Variants in CDH26 observed in about 807,000 individuals in gnomAD.
CDH26 encodes cadherin 26.
A neutral mutation model predicts 90.3 loss-of-function variants in CDH26; 83 were observed. The ratio of observed to expected loss-of-function variants is 0.92; its 90% CI spans 0.77 to 1.10. The LOEUF is 1.10. Among genes scored for constraint, CDH26 ranks in the 50% least tolerant of loss-of-function variants. The probability of loss-of-function intolerance (pLI) is 0.00; values close to 1 mark genes in which losing one functional copy is unlikely to be tolerated. For missense variants in CDH26, 1,013 were observed against 1,037.6 expected (o/e 0.98, Z 0.33); for synonymous variants, 397 against 396.3 (o/e 1.00, Z -0.02).
chr20:59,958,608 T>C lies in CDH26; in HGVS notation c.-119T>C. The C allele has an allele frequency of 1.1e-6, 1 of 921,780 alleles. No homozygotes were observed. Among genetic ancestry groups the C allele is most frequent in the East Asian group, 2.5e-5 (1 of 40,582 alleles). 57.1% of individuals were successfully genotyped at this position (921,780 alleles called of 1,614,324 possible). On this transcript the variant is annotated 5_prime_UTR_variant, in exon 1 of 18. Coordinates refer to ENST00000348616, the MANE Select transcript of CDH26 (RefSeq NM_177980.4). ...TGAAAGCATCTGGGCCAAAGTGACC[T>C]GAAAACCTTTAGAGAAGAAGCTGCT...
intron 7 of CDH26, among the ~76,000 whole-genome samples, chr20:59,986,376 T>A (rs1050276763): frequency 6.6e-6 from 1 of 152,246 alleles, no homozygotes; most frequent in African/African-American, 2.4e-5. Context: ...GCATGTGAGA[T>A]GGCTAAGAGA....
chr20:59,974,215 T>C (rs1039591095), intron 4 of CDH26, among the ~76,000 whole-genome samples: 9 of 152,236 alleles, frequency 5.9e-5, no homozygotes, highest in African/African-American at 1.9e-4. Context: ...TGTCTGTTTA[T>C]GTCTTTTGTC....
At chr20:60,031,537 TATTTGTAAAAACATC>T in intron 8 of CDH26, 1 of 1,025,582 alleles carries the variant, frequency 9.8e-7, no homozygotes, top group Non-Finnish European at 1.2e-6. Flanking sequence ...TTGAATTAAT[TATTTGTAAAAACATC>T]CTCAGTTTCT....
At chr20:59,963,252 A>ATT (rs11086689) in intron 1 of CDH26, among the ~76,000 whole-genome samples, 27,758 of 122,842 alleles carry the variant, frequency 0.23, 4,118 homozygotes, top group Middle Eastern at 0.45. Flanking sequence ...GTAGATAAGG[A>ATT]TTTTTTTTTT....
At chr20:59,964,664 AACAC>A (rs1389079161) in intron 1 of CDH26, among the ~76,000 whole-genome samples, 1 of 152,240 alleles carries the variant, frequency 6.6e-6, no homozygotes, top group Non-Finnish European at 1.5e-5. Context: ...GGAGAAATGA[AACAC>A]ACACAACAAT....
chr20:59,970,305 A>G, intron 3 of CDH26, 119 bp downstream of exon 3: 1 of 1,347,382 alleles, frequency 7.4e-7, no homozygotes, highest in Non-Finnish European at 9.9e-7. Flanking sequence ...AGTGAAGTAG[A>G]GCAGAAGGAG....
chr20:59,970,382 T>C (rs962907960), intron 3 of CDH26, among the ~76,000 whole-genome samples, 196 bp downstream of exon 3: 4 of 152,138 alleles, frequency 2.6e-5, no homozygotes, highest in Non-Finnish European at 5.9e-5. Flanking sequence ...TTATGTGAGT[T>C]TGAACGAGTC....
intron 8 of CDH26, among the ~76,000 whole-genome samples, chr20:60,032,130 T>A: frequency 6.6e-6 from 1 of 152,190 alleles, no homozygotes; most frequent in East Asian, 1.9e-4. Flanking sequence ...GAGTGAGAAA[T>A]TCACCCTGAA....
At position 59,994,544 on chromosome 20, in the gene CDH26, C is replaced by T. The variant is rs145315522; in HGVS notation, c.1666+55C>T. 8.8e-3 allele frequency: 14,006 copies of T among 1,596,976 alleles called. 104 individuals are homozygous for T. Among genetic ancestry groups the T allele is most frequent in the South Asian group, 0.03 (2,715 of 89,594 alleles). ...AGTGGAAAATGCCAGATATCCAATTCAAACAGATTTAGGCAAAAAAGGACT... is the reference window on the plus strand; with the variant it reads ...AGTGGAAAATGCCAGATATCCAATTTAAACAGATTTAGGCAAAAAAGGACT... On this transcript the variant is annotated intron_variant, in intron 11 of 17. Transcript: ENST00000348616.
rs1369637267 is a variant in CDH26, at chr20:59,985,028, A to G, written c.736A>G (p.Arg246Gly). 6.2e-7 allele frequency: 1 copy of G among 1,614,138 alleles called. No individual in the cohort carries two copies. Among genetic ancestry groups the G allele is most frequent in the East Asian group, 2.2e-5 (1 of 44,878 alleles). The change falls in exon 7 of 18, where the codon AGA becomes GGA. Residue 246 changes from arginine (R) to glycine (G), a missense_variant. Transcript: ENST00000348616. The stretch of plus-strand genomic sequence containing the variant: ...CGCTCCTCAGTTTACACTGCTAATC[A>G]GAGCCAGGGACTGTGGAGAACCGTC... ...ETAPQFTLLI[R>G]ARDCGEPSLS...
intron 12 of CDH26, 110 bp downstream of exon 12, chr20:59,996,164 T>C (rs1285213834): frequency 2.6e-6 from 3 of 1,172,778 alleles, no homozygotes; most frequent in Admixed American, 2.4e-5. Context: ...ATTGGTGGAA[T>C]GGCTTTGAGA....
At chr20:60,016,162 T>G (rs915063085), downstream of CDH26, among the ~76,000 whole-genome samples, 2 of 152,284 alleles carry the variant, frequency 1.3e-5, no homozygotes, top group East Asian at 1.9e-4. Context: ...GTGAAGAATG[T>G]CATTGGTGTT....
chr20:59,970,926 C>G (rs1451928130), intron 3 of CDH26, among the ~76,000 whole-genome samples: 1 of 152,102 alleles, frequency 6.6e-6, no homozygotes, highest in Non-Finnish European at 1.5e-5. Context: ...ACAAGGAACC[C>G]ACATTCCCAC....
chr20:59,984,724 A>G lies in CDH26; in HGVS notation c.627A>G (p.Gln209=), dbSNP rs1416238026. ...AAGTCCTTTACTTCCTCATTTCTCA[A>G]ACACCATTACTGAAAGAAAGTGGTT... ...NSQVLYFLIS[Q]TPLLKESGFR... The change falls in exon 6 of 18, where the codon CAA becomes CAG. Residue 209 remains glutamine, a synonymous_variant. Coordinates refer to ENST00000348616, the MANE Select transcript of CDH26 (RefSeq NM_177980.4). The G allele has an allele frequency of 3.7e-6, 6 of 1,614,002 alleles. No individual in the cohort carries two copies. In the Admixed American group the frequency reaches 1.0e-4, roughly 27 times the overall value.
At chr20:59,976,176 G>A (rs1367404516) in intron 4 of CDH26, among the ~76,000 whole-genome samples, 1 of 152,162 alleles carries the variant, frequency 6.6e-6, no homozygotes, top group African/African-American at 2.4e-5. Context: ...GTGCTCATTT[G>A]CATGTAAGGC....
chr20:59,987,533 A>C lies in CDH26; in HGVS notation c.918A>C (p.Thr306=). The C allele has an allele frequency of 8.7e-6, 14 of 1,614,060 alleles. No homozygotes were observed. Among genetic ancestry groups the C allele is most frequent in the African/African-American group, 1.3e-5 (1 of 75,028 alleles). Residue 306 remains threonine, a synonymous_variant, in exon 8 of 18, where the codon ACA becomes ACC. Transcript: ENST00000348616. ...LLVQDRDSPF[T]SAWRAKFNIL... ...TTCAAGATCGAGATTCTCCATTTAC[A>C]TCAGCTTGGAGAGCAAAATTCAACA...
At chr20:59,977,572 A>T (rs909172762) in intron 4 of CDH26, among the ~76,000 whole-genome samples, 3 of 132,454 alleles carry the variant, frequency 2.3e-5, no homozygotes, top group Non-Finnish European at 4.6e-5. Context: ...GTAAGTAGGG[A>T]CATCATTTTT....
chr20:60,010,263 G>A (rs1160499905), intron 17 of CDH26, among the ~76,000 whole-genome samples: 1 of 152,114 alleles, frequency 6.6e-6, no homozygotes, highest in Non-Finnish European at 1.5e-5. Context: ...GGGTCCCTGG[G>A]GCCCCAGAGC....
chr20:60,002,580 G>C (rs1349670211), intron 15 of CDH26, among the ~76,000 whole-genome samples: 4 of 151,932 alleles, frequency 2.6e-5, no homozygotes, highest in African/African-American at 7.3e-5. Flanking sequence ...AATCTTACTG[G>C]GTGTTAATGG....
Sources: gnomAD v4.1 joint callset for allele counts (sites outside exome capture counted in the v4.1 genomes callset) on GRCh38, gnomAD v4.1.1 for gene constraint, MANE v1.5 for transcripts, NCBI Gene and HGNC (gene_info 2026-07-23, HGNC 2026-07-21) for gene names.